Variants in TNR observed in about 807,000 individuals in gnomAD.
TNR encodes tenascin-R.
A neutral mutation model predicts 150.4 loss-of-function variants in TNR; 45 were observed. That is an observed-to-expected ratio of 0.30 (90% CI 0.24 to 0.38). TNR has a LOEUF of 0.38. Among genes scored for constraint, TNR ranks in the 10% least tolerant of loss-of-function variants. TNR has a pLI of 1.00. For synonymous variants in TNR, 687 were observed against 678.4 expected (o/e 1.01, Z -0.20); for missense variants, 1,544 against 1,759.1 (o/e 0.88, Z 2.19).
intron 7 of TNR, among the ~76,000 whole-genome samples, chr1:175,388,275 G>C (rs1253285537): frequency 6.6e-6 from 1 of 151,284 alleles, no homozygotes; most frequent in Non-Finnish European, 1.5e-5. Flanking sequence ...AAAAAAAAAA[G>C]TGTCAGGGAA....
intron 1 of TNR, among the ~76,000 whole-genome samples, chr1:175,711,020 A>G (rs1262723332): frequency 2.6e-5 from 4 of 152,184 alleles, no homozygotes; most frequent in Non-Finnish European, 4.4e-5. Flanking sequence ...CTAAGGAGGA[A>G]TGCTGAAAGG....
chr1:175,488,025 G>A (rs1658087443), intron 2 of TNR, among the ~76,000 whole-genome samples: 1 of 152,130 alleles, frequency 6.6e-6, no homozygotes. Flanking sequence ...ATGCATAAGG[G>A]TGGTTCCAAA....
intron 2 of TNR, among the ~76,000 whole-genome samples, chr1:175,471,295 A>G (rs1488115288): frequency 3.9e-5 from 6 of 152,182 alleles, no homozygotes; most frequent in South Asian, 4.1e-4. Context: ...GTCAGTCTGT[A>G]CTTGTTACAA....
intron 2 of TNR, among the ~76,000 whole-genome samples, chr1:175,526,186 C>T (rs1659842549): frequency 6.6e-6 from 1 of 152,108 alleles, no homozygotes; most frequent in Non-Finnish European, 1.5e-5. Context: ...TAAAGTGAAA[C>T]ATTCATATTT....
At chr1:175,341,020 G>A (rs1341765991) in intron 18 of TNR, among the ~76,000 whole-genome samples, 1 of 152,170 alleles carries the variant, frequency 6.6e-6, no homozygotes, top group Non-Finnish European at 1.5e-5. Flanking sequence ...TTGTGTCCTA[G>A]TATTTATTGT....
At chr1:175,519,317 T>C (rs563850897) in intron 2 of TNR, among the ~76,000 whole-genome samples, 2 of 152,330 alleles carry the variant, frequency 1.3e-5, no homozygotes, top group African/African-American at 4.8e-5. Flanking sequence ...AAGGAAATTG[T>C]TTACAATTGT....
Position 175,540,052 on chromosome 1 carries a change from G to A in TNR, c.-164-11683C>T, listed in dbSNP as rs183064093. Among the ~76,000 whole-genome samples, 4 of 152,232 alleles carry A rather than the reference G, an allele frequency of 2.6e-5. No homozygotes were observed. The East Asian group carries it at 7.8e-4, about 30-fold the overall frequency. ...CTTTTCCAGAAAGGATGGCAAAAGA[G>A]GCACTGACTAACAAATCAGTCTCAG... On this transcript the variant is annotated intron_variant, in intron 1 of 22. Coordinates refer to ENST00000367674, the MANE Select transcript of TNR (RefSeq NM_003285.3).
chr1:175,520,722 C>A (rs1162524068), intron 2 of TNR, among the ~76,000 whole-genome samples: 1 of 152,002 alleles, frequency 6.6e-6, no homozygotes, highest in Non-Finnish European at 1.5e-5. Context: ...TCCCTTCTGG[C>A]TATATTTTCT....
intron 2 of TNR, among the ~76,000 whole-genome samples, chr1:175,526,857 A>G (rs1053530679): frequency 2.0e-5 from 3 of 152,220 alleles, no homozygotes; most frequent in African/African-American, 2.4e-5. Flanking sequence ...ATGCTAGTGA[A>G]AAGTGATTTG....
intron 10 of TNR, 83 bp downstream of exon 10, chr1:175,367,125 T>G: frequency 7.9e-7 from 1 of 1,263,228 alleles, no homozygotes. Flanking sequence ...GCTTTCTGAT[T>G]AATTTTTGCT....
At chr1:175,545,724 A>C (rs1660659747) in intron 1 of TNR, among the ~76,000 whole-genome samples, 1 of 152,232 alleles carries the variant, frequency 6.6e-6, no homozygotes, top group Non-Finnish European at 1.5e-5. Context: ...ACAGATGAAT[A>C]AAAGAAGGCA....
At chr1:175,547,773 G>C (rs1660771394) in intron 1 of TNR, among the ~76,000 whole-genome samples, 1 of 152,210 alleles carries the variant, frequency 6.6e-6, no homozygotes, top group Non-Finnish European at 1.5e-5. Context: ...TGACAGTGCA[G>C]AGTGATTCCA....
At chr1:175,736,174 G>C (rs1667763682) in intron 1 of TNR, among the ~76,000 whole-genome samples, 1 of 152,216 alleles carries the variant, frequency 6.6e-6, no homozygotes, top group African/African-American at 2.4e-5. Context: ...GACAGACACT[G>C]TCCCAGGGAC....
At chr1:175,393,677 G>A in intron 6 of TNR, 103 bp downstream of exon 6, 1 of 894,246 alleles carries the variant, frequency 1.1e-6, no homozygotes, top group Non-Finnish European at 1.9e-6. Context: ...TAATGGCATG[G>A]AGAGAGATAT....
In TNR at chr1:175,413,589, C is replaced by G. The variant is rs1448004761; in HGVS notation, c.-63-6812G>C. Reference sequence around the variant, plus strand: ...CAGAGCCTCCTCTCTGCCCTTCACTCTCTTCCTGTATCTCAGATGAGTCAA... The same window carrying G: ...CAGAGCCTCCTCTCTGCCCTTCACTGTCTTCCTGTATCTCAGATGAGTCAA... On this transcript the variant is annotated intron_variant, in intron 2 of 22. Coordinates refer to ENST00000367674, the MANE Select transcript of TNR (RefSeq NM_003285.3). Among the ~76,000 whole-genome samples the G allele has an allele frequency of 2.0e-5, 3 of 152,238 alleles. No homozygotes were observed. The East Asian group carries it at 5.8e-4, about 29-fold the overall frequency.
At chr1:175,502,797 G>C (rs1658792434) in intron 2 of TNR, among the ~76,000 whole-genome samples, 1 of 152,134 alleles carries the variant, frequency 6.6e-6, no homozygotes, top group African/African-American at 2.4e-5. Flanking sequence ...TTTAGAAGAT[G>C]GTATATAAAT....
chr1:175,644,988 GA>G (rs1267909352), intron 1 of TNR, among the ~76,000 whole-genome samples: 1 of 152,086 alleles, frequency 6.6e-6, no homozygotes. Flanking sequence ...AGAGTCTTGG[GA>G]ATGAGCCATT....
At chr1:175,403,678 G>A in intron 3 of TNR, 62 bp from the exon 4 acceptor site, 1 of 1,409,918 alleles carries the variant, frequency 7.1e-7, no homozygotes, top group Non-Finnish European at 9.8e-7. Flanking sequence ...TGGTGCTGGG[G>A]AAGGATGGGC....
At chr1:175,634,009 GATGA>G (rs1558047098) in intron 1 of TNR, among the ~76,000 whole-genome samples, 3 of 79,756 alleles carry the variant, frequency 3.8e-5, no homozygotes, top group African/African-American at 2.4e-4. Flanking sequence ...TGATGATGAT[GATGA>G]CGATGATGAT....
Sources: gnomAD v4.1 joint callset for allele counts (sites outside exome capture counted in the v4.1 genomes callset) on GRCh38, gnomAD v4.1.1 for gene constraint, MANE v1.5 for transcripts, NCBI Gene and HGNC (gene_info 2026-07-23, HGNC 2026-07-21) for gene names.